Variants in RPN2 observed in about 807,000 individuals in gnomAD.
RPN2 encodes the protein ribophorin II, also known as dolichyl-diphosphooligosaccharide--protein glycosyltransferase subunit 2.
In RPN2, 29 loss-of-function variants were observed where a neutral mutation model predicts 71.4. The observed-to-expected ratio is 0.41, with a 90% CI of 0.30 to 0.55. The LOEUF is 0.55. RPN2 is among the 20% of genes least tolerant of loss of function. The pLI, the probability that RPN2 is intolerant of heterozygous loss-of-function variation, is 0.35. For synonymous variants in RPN2, 308 were observed against 305.0 expected (o/e 1.01, Z -0.10); for missense variants, 726 against 774.1 (o/e 0.94, Z 0.74).
rs557396469 is a variant in RPN2, at chr20:37,230,014, G to C, written c.1536G>C (p.Ser512=). ...AGTTCCCTGAGGAAGAAGCTCCCTC[G>C]ACTGTCTTGTCCCAGAACCTTTTCA... ...VIKFPEEEAP[S]TVLSQNLFTP... The change falls in exon 13 of 17, where the codon TCG becomes TCC. Residue 512 remains serine, a synonymous_variant. Transcript: ENST00000237530. 2 of 1,613,964 alleles carry C rather than the reference G, an allele frequency of 1.2e-6. No homozygotes were observed. The highest frequency in any genetic ancestry group is 1.3e-5 in the African/African-American group (1 of 74,884).
chr20:37,208,176 A>G (rs564796126), intron 7 of RPN2, among the ~76,000 whole-genome samples: 21 of 151,942 alleles, frequency 1.4e-4, no homozygotes, highest in Non-Finnish European at 2.4e-4. Context: ...AGGCTGAGGC[A>G]GGAGAATCGC....
chr20:37,186,729 A>G (rs943366438), intron 2 of RPN2, among the ~76,000 whole-genome samples: 6 of 152,246 alleles, frequency 3.9e-5, no homozygotes, highest in Non-Finnish European at 7.3e-5. Context: ...AGGTCTACAC[A>G]TTCCATTTTT....
In RPN2 at chr20:37,211,360, A is replaced by G. The variant is rs1379290215; in HGVS notation, c.986+1195A>G. Among the ~76,000 whole-genome samples, 3 of 144,686 alleles carry G rather than the reference A, an allele frequency of 2.1e-5. No individual in the cohort carries two copies. In the South Asian group the frequency reaches 7.6e-4, roughly 36 times the overall value. 94.9% of individuals were successfully genotyped at this position (144,686 alleles called of 152,430 possible). ...TTTTTTTAAATTAGAGATGGGGGCC[A>G]GGTGTGGCAGCTCACGCCTGTAATC... is the stretch of plus-strand genomic sequence containing the variant. On this transcript the variant is annotated intron_variant, in intron 8 of 16. Transcript: ENST00000237530.
intron 2 of RPN2, among the ~76,000 whole-genome samples, chr20:37,189,362 A>T (rs1236929004): frequency 7.0e-6 from 1 of 142,220 alleles, no homozygotes; most frequent in African/African-American, 2.7e-5. Flanking sequence ...TGTGTGTGTG[A>T]ACATCCATTC....
chr20:37,203,793 T>C lies in RPN2; in HGVS notation c.480-92T>C. 5 of 874,640 alleles carry C rather than the reference T, an allele frequency of 5.7e-6. No individual in the cohort carries two copies. In the South Asian group the frequency reaches 6.8e-5, roughly 12 times the overall value. The allele number at this position is 874,640 out of a possible 1,614,324, so 54.2% of individuals were successfully genotyped here. ...AACTTGTACTTCTAAAGAACAAGAG[T>C]AGGATATTTGTGAAAGTGTCCAAGT... On this transcript the variant is annotated intron_variant, in intron 4 of 16. Coordinates refer to ENST00000237530, the MANE Select transcript of RPN2 (RefSeq NM_002951.5).
At chr20:37,192,632 C>T (rs1240198371) in intron 2 of RPN2, among the ~76,000 whole-genome samples, 1 of 152,292 alleles carries the variant, frequency 6.6e-6, no homozygotes, top group South Asian at 2.1e-4. Flanking sequence ...AGGGAGAGGG[C>T]CCCTGCACTC....
At chr20:37,223,775 C>T (rs2068014112) in intron 9 of RPN2, 103 bp from the exon 10 acceptor site, 1 of 901,248 alleles carries the variant, frequency 1.1e-6, no homozygotes. Flanking sequence ...AGGATTTTTT[C>T]ATGCCTTTAC....
intron 9 of RPN2, 102 bp downstream of exon 9, chr20:37,213,967 A>G (rs1049441551): frequency 9.1e-6 from 8 of 882,564 alleles, no homozygotes; most frequent in Admixed American, 7.5e-5. Flanking sequence ...TTTCTCTACA[A>G]CCAAGCTAAT....
rs868006706 is a variant in RPN2 at position 37,223,571 on chromosome 20, T to C, written c.1093-307T>C. ...ATGAAAGGTACTGCTTAAGGATTTT[T>C]CCCCTTATTTATTTTAAAGGACACA... On this transcript the variant is annotated intron_variant, in intron 9 of 16. Coordinates refer to ENST00000237530, the MANE Select transcript of RPN2 (RefSeq NM_002951.5). 4.4e-4 allele frequency among the ~76,000 whole-genome samples: 67 copies of C among 152,302 alleles called. 1 individual carries two copies. Among genetic ancestry groups the C allele is most frequent in the South Asian group, 2.1e-4 (1 of 4,828 alleles).
intron 9 of RPN2, among the ~76,000 whole-genome samples, chr20:37,220,083 C>A (rs924514763): frequency 6.6e-6 from 1 of 152,076 alleles, no homozygotes; most frequent in African/African-American, 2.4e-5. Flanking sequence ...TGATAATAAG[C>A]CCCCATTGAG....
rs751126358 is a variant in RPN2, at chr20:37,228,800, G to A, written c.1494+56G>A. ...GAGAGTGGCTGTGCCCCAGGCACTG[G>A]TGGCTCTTTTTCAGGGGCATGGGGC... On this transcript the variant is annotated intron_variant, in intron 12 of 16. Transcript: ENST00000237530. The A allele has an allele frequency of 4.4e-5, 68 of 1,562,340 alleles. No individual in the cohort carries two copies. The East Asian group carries it at 9.9e-4, about 23-fold the overall frequency.
Position 37,226,028 on chromosome 20 carries a change from T to C in RPN2, c.1299+226T>C, listed in dbSNP as rs150423565. 4.7e-3 allele frequency among the ~76,000 whole-genome samples: 721 copies of C among 152,282 alleles called. 7 individuals carry two copies. Among genetic ancestry groups the C allele is most frequent in the African/African-American group, 0.017 (686 of 41,556 alleles). On this transcript the variant is annotated intron_variant, in intron 11 of 16. Transcript: ENST00000237530. ...TTCTTTCTAAAAAGTTAGCTGGTATTGAGGAGAGGTACTTAAGGCAGATTT... is the reference window on the plus strand; with the variant it reads ...TTCTTTCTAAAAAGTTAGCTGGTATCGAGGAGAGGTACTTAAGGCAGATTT...
At chr20:37,184,667 C>G (rs2066966679) in intron 2 of RPN2, among the ~76,000 whole-genome samples, 1 of 152,096 alleles carries the variant, frequency 6.6e-6, no homozygotes. Context: ...TGGTGCATGC[C>G]TGTAATCCCA....
chr20:37,203,828 G>C, intron 4 of RPN2, 57 bp from the exon 5 acceptor site: 1 of 1,175,016 alleles, frequency 8.5e-7, no homozygotes, highest in Non-Finnish European at 1.3e-6. Flanking sequence ...TACGGGAAGG[G>C]GTGAGTGGAT....
intron 2 of RPN2, among the ~76,000 whole-genome samples, chr20:37,190,472 T>G (rs1476557243): frequency 1.3e-5 from 2 of 152,212 alleles, no homozygotes; most frequent in Non-Finnish European, 1.5e-5. Flanking sequence ...TCAAAATTGT[T>G]GTTCTGTCAT....
chr20:37,200,354 ATTTT>A, intron 4 of RPN2: 7 of 379,080 alleles, frequency 1.8e-5, no homozygotes, highest in Admixed American at 3.3e-5. Flanking sequence ...GCCGGTTGTA[ATTTT>A]TTTTTTTTTA....
At chr20:37,234,350 A>G (rs2068326857) in intron 15 of RPN2, among the ~76,000 whole-genome samples, 1 of 152,242 alleles carries the variant, frequency 6.6e-6, no homozygotes, top group African/African-American at 2.4e-5. Flanking sequence ...CTCAGTTAAT[A>G]ACCCTGTTTA....
In RPN2 at chr20:37,228,537, T is replaced by C. The variant is rs1356336713; in HGVS notation, c.1300-13T>C. 6.2e-7 allele frequency: 1 copy of C among 1,608,036 alleles called. No individual in the cohort carries two copies. The highest frequency in any genetic ancestry group is 8.5e-7 in the Non-Finnish European group (1 of 1,174,444). On this transcript the variant is annotated splice_polypyrimidine_tract_variant and intron_variant, in intron 11 of 16. Transcript: ENST00000237530. ...AATTATCAGATGAAAGATTGTATTATTCTTCCATCTAGACATTTGTCCGAC... is the reference window on the plus strand; with the variant it reads ...AATTATCAGATGAAAGATTGTATTACTCTTCCATCTAGACATTTGTCCGAC...
chr20:37,228,322 G>C (rs2068132848), intron 11 of RPN2, among the ~76,000 whole-genome samples: 1 of 152,124 alleles, frequency 6.6e-6, no homozygotes, highest in Admixed American at 6.5e-5. Flanking sequence ...AGAATTGGCT[G>C]GACCCGTAAG....
Sources: gnomAD v4.1 joint callset for allele counts (sites outside exome capture counted in the v4.1 genomes callset) on GRCh38, gnomAD v4.1.1 for gene constraint, MANE v1.5 for transcripts, NCBI Gene and HGNC (gene_info 2026-07-23, HGNC 2026-07-21) for gene names.